The following RBPMS2 variants were observed in gnomAD, a reference collection of about 807,000 sequenced individuals.
RBPMS2 encodes RNA binding protein, mRNA processing factor 2, also known as RNA-binding protein with multiple splicing 2.
In RBPMS2, 14 loss-of-function variants were observed where a neutral mutation model predicts 25.7. That is an observed-to-expected ratio of 0.55 (90% CI 0.36 to 0.85). The LOEUF is 0.85. Ranked by LOEUF, RBPMS2 falls within the 40% of genes least tolerant of loss-of-function variation. The pLI is 0.01. For missense variants in RBPMS2, 252 were observed against 283.4 expected, an observed-to-expected ratio of 0.89 and a Z score of 0.80; for synonymous variants, 127 against 115.6, an observed-to-expected ratio of 1.10 and a Z score of -0.63.
At chr15:64,744,140 GA>G (rs974248174) in intron 6 of RBPMS2, among the ~76,000 whole-genome samples, 35 of 144,692 alleles carry the variant, frequency 2.4e-4, no homozygotes, top group Middle Eastern at 3.5e-3. Context: ...AAAGAGAAAG[GA>G]AAAAAAAAAG....
intron 1 of RBPMS2, among the ~76,000 whole-genome samples, chr15:64,752,126 T>C (rs2083688057): frequency 6.6e-6 from 1 of 151,872 alleles, no homozygotes; most frequent in East Asian, 1.9e-4. Context: ...CACCACGCCA[T>C]GCTAATCGGT....
chr15:64,744,568 A>AG, intron 6 of RBPMS2, among the ~76,000 whole-genome samples: 1 of 138,696 alleles, frequency 7.2e-6, no homozygotes, highest in East Asian at 2.1e-4. Context: ...CAAAAAAAAA[A>AG]AAAAAGAAAG....
Position 64,748,993 on chromosome 15 carries a change from C to CA in RBPMS2, c.418+6dup, listed in dbSNP as rs1446046308. ...ATGAGGGCCTGCCAGCTCAGAGTGC[C>CA]ACTCACAGGGGTCCCGTGCGATGAA... On this transcript the variant is annotated splice_region_variant and intron_variant, in intron 5 of 7. Transcript: ENST00000300069. 1 of 1,613,842 alleles carries CA rather than the reference C, an allele frequency of 6.2e-7. No individual in the cohort carries two copies. Among genetic ancestry groups the CA allele is most frequent in the Non-Finnish European group, 8.5e-7 (1 of 1,179,894 alleles).
At chr15:64,748,127 C>A (rs2083635916) in intron 6 of RBPMS2, among the ~76,000 whole-genome samples, 1 of 152,214 alleles carries the variant, frequency 6.6e-6, no homozygotes, top group African/African-American at 2.4e-5. Context: ...AGTCCCATCA[C>A]CATGGGAGAA....
At chr15:64,745,270 G>T (rs1232529760) in intron 6 of RBPMS2, among the ~76,000 whole-genome samples, 1 of 152,108 alleles carries the variant, frequency 6.6e-6, no homozygotes, top group African/African-American at 2.4e-5. Context: ...AAAGGGAAGA[G>T]AACAAAAACT....
chr15:64,762,167 T>C (rs1374952541), intron 1 of RBPMS2, among the ~76,000 whole-genome samples: 2 of 152,144 alleles, frequency 1.3e-5, no homozygotes, highest in East Asian at 1.9e-4. Flanking sequence ...ACACAGTATC[T>C]TGCAAAAGGT....
intron 6 of RBPMS2, among the ~76,000 whole-genome samples, chr15:64,746,880 G>C (rs2083621917): frequency 6.6e-6 from 1 of 152,220 alleles, no homozygotes; most frequent in Non-Finnish European, 1.5e-5. Flanking sequence ...GAGAAGCCCA[G>C]TGAGGTGGGA....
intron 1 of RBPMS2, among the ~76,000 whole-genome samples, chr15:64,758,418 C>T (rs112383436): frequency 0.046 from 6,980 of 152,220 alleles, 524 homozygotes; most frequent in African/African-American, 0.16. Context: ...ACCGGGGGAA[C>T]GGATGGAGGA....
At chr15:64,774,119 C>G (rs1277087888) in intron 1 of RBPMS2, among the ~76,000 whole-genome samples, 4 of 152,254 alleles carry the variant, frequency 2.6e-5, no homozygotes, top group African/African-American at 9.6e-5. Context: ...CGGCGCCATT[C>G]TGCACCAACC....
chr15:64,748,392 C>T (rs567225438), intron 6 of RBPMS2, 27 bp downstream of exon 6: 15 of 1,607,546 alleles, frequency 9.3e-6, no homozygotes, highest in Middle Eastern at 1.7e-4. Flanking sequence ...CCTTGTTCTT[C>T]GCCCTCCCCA....
intron 1 of RBPMS2, among the ~76,000 whole-genome samples, chr15:64,768,917 G>A (rs1264558570): frequency 7.3e-5 from 11 of 151,554 alleles, no homozygotes; most frequent in South Asian, 6.3e-4. Flanking sequence ...TGGCTAACAC[G>A]ATGAAACCCC....
intron 1 of RBPMS2, among the ~76,000 whole-genome samples, chr15:64,752,646 T>C (rs2083693841): frequency 6.6e-6 from 1 of 151,906 alleles, no homozygotes; most frequent in South Asian, 2.1e-4. Flanking sequence ...GGAGTTTTGC[T>C]GTCACCCGGA....
intron 1 of RBPMS2, among the ~76,000 whole-genome samples, chr15:64,760,108 A>G (rs1210513533): frequency 6.6e-6 from 1 of 152,234 alleles, no homozygotes; most frequent in Non-Finnish European, 1.5e-5. Flanking sequence ...CCCTCCTTCC[A>G]GGGCACACAC....
intron 1 of RBPMS2, among the ~76,000 whole-genome samples, chr15:64,763,576 C>A (rs2083812791): frequency 6.6e-6 from 1 of 152,310 alleles, no homozygotes; most frequent in South Asian, 2.1e-4. Context: ...CTGGGCTGCA[C>A]CTTGTAGTTT....
intron 6 of RBPMS2, among the ~76,000 whole-genome samples, chr15:64,745,888 T>C (rs1368862439): frequency 1.3e-5 from 2 of 152,214 alleles, no homozygotes; most frequent in Non-Finnish European, 2.9e-5. Flanking sequence ...ACAGAGGTAC[T>C]TGTTCTCATC....
chr15:64,773,818 A>G (rs4777553), intron 1 of RBPMS2, among the ~76,000 whole-genome samples: 113,990 of 151,944 alleles, frequency 0.75, 46,072 homozygotes, highest in East Asian at 0.96. Flanking sequence ...ACCCTCCCCA[A>G]CTGTCAAGGG....
intron 6 of RBPMS2, among the ~76,000 whole-genome samples, chr15:64,743,290 A>G (rs186761750): frequency 3.9e-5 from 6 of 152,310 alleles, no homozygotes; most frequent in Admixed American, 3.3e-4. Context: ...CGCCCTCAGC[A>G]TATCTGCTGG....
At chr15:64,769,859 C>T (rs1469048127) in intron 1 of RBPMS2, among the ~76,000 whole-genome samples, 2 of 152,036 alleles carry the variant, frequency 1.3e-5, no homozygotes, top group Non-Finnish European at 2.9e-5. Context: ...GTTGGCATCA[C>T]CCAAAACTCA....
At chr15:64,755,769 G>C (rs1342950615) in intron 1 of RBPMS2, among the ~76,000 whole-genome samples, 1 of 152,156 alleles carries the variant, frequency 6.6e-6, no homozygotes, top group African/African-American at 2.4e-5. Context: ...AGGCTGACCA[G>C]CCACATGTAG....
Sources: gnomAD v4.1 joint callset for allele counts (sites outside exome capture counted in the v4.1 genomes callset) on GRCh38, gnomAD v4.1.1 for gene constraint, MANE v1.5 for transcripts, NCBI Gene and HGNC (gene_info 2026-07-23, HGNC 2026-07-21) for gene names.